The following RANBP2 variants were observed in gnomAD, a reference collection of about 807,000 sequenced individuals.
RANBP2 encodes RAN binding protein 2.
A neutral mutation model predicts 303.6 loss-of-function variants in RANBP2; 57 were observed. That is an observed-to-expected ratio of 0.19 (90% CI 0.15 to 0.23). The LOEUF (loss-of-function observed/expected upper bound fraction) is 0.23, where lower values mean the gene tolerates loss of function less well. RANBP2 is among the 10% of genes least tolerant of loss of function. The probability of loss-of-function intolerance (pLI) is 1.00; values close to 1 mark genes in which losing one functional copy is unlikely to be tolerated. For synonymous variants in RANBP2, 1,167 were observed against 1,301.5 expected, an observed-to-expected ratio of 0.90 and a Z score of 2.23; for missense variants, 3,138 against 3,780.8, an observed-to-expected ratio of 0.83 and a Z score of 4.46.
chr2:109,008,765 G>A, the RANBP2 span, among the ~76,000 whole-genome samples: 1 of 151,278 alleles, frequency 6.6e-6, no homozygotes, highest in South Asian at 2.1e-4. Context: ...AGCTGGGTGT[G>A]GTGGCGGGCG....
the RANBP2 span, among the ~76,000 whole-genome samples, chr2:109,016,064 G>T: frequency 2.9e-4 from 44 of 150,086 alleles, no homozygotes; most frequent in Middle Eastern, 0.018. Context: ...GTGGTAGGTG[G>T]TGTTATTGGT....
chr2:109,094,836 A>G, the RANBP2 span, among the ~76,000 whole-genome samples: 127 of 152,180 alleles, frequency 8.3e-4, 1 homozygote, highest in Non-Finnish European at 5.9e-5. Context: ...ATCTCAAACA[A>G]ACAAACAAAC....
the RANBP2 span, among the ~76,000 whole-genome samples, chr2:109,068,361 C>T: frequency 1.3e-5 from 2 of 152,176 alleles, no homozygotes; most frequent in African/African-American, 4.8e-5. Flanking sequence ...GAAGAACCCC[C>T]ACCCCAGATG....
At chr2:108,738,710 C>A (rs1695829189) in intron 6 of RANBP2, among the ~76,000 whole-genome samples, 1 of 147,426 alleles carries the variant, frequency 6.8e-6, no homozygotes, top group Admixed American at 6.9e-5. Context: ...ATCACTGCAA[C>A]CTCTGCTTCC....
chr2:109,700,580 A>C, the RANBP2 span, among the ~76,000 whole-genome samples: 1 of 152,102 alleles, frequency 6.6e-6, no homozygotes, highest in African/African-American at 2.4e-5. Flanking sequence ...TATATCAGTG[A>C]GCAGAGGGAT....
At chr2:108,831,699 A>ACC in the RANBP2 span, among the ~76,000 whole-genome samples, 24 of 51,546 alleles carry the variant, frequency 4.7e-4, no homozygotes, top group East Asian at 1.9e-3. Flanking sequence ...GTGGCACAGA[A>ACC]TCTTCCTTCC....
chr2:109,629,326 TATATATATATATATATATATA>T, the RANBP2 span, among the ~76,000 whole-genome samples: 1 of 7,554 alleles, frequency 1.3e-4, no homozygotes, highest in African/African-American at 4.7e-4. Flanking sequence ...TATATATATA[TATATATATATATATATATATA>T]TATATATATT....
At chr2:109,074,119 C>T in the RANBP2 span, among the ~76,000 whole-genome samples, 3 of 150,802 alleles carry the variant, frequency 2.0e-5, 1 homozygote, top group Non-Finnish European at 4.4e-5. Flanking sequence ...GTAATCCCAA[C>T]ACTTAGGAAG....
chr2:109,705,409 A>C, the RANBP2 span, among the ~76,000 whole-genome samples: 1 of 152,218 alleles, frequency 6.6e-6, no homozygotes, highest in Non-Finnish European at 1.5e-5. Context: ...TCTGTCACAC[A>C]CACACAAAAA....
chr2:109,350,089 G>A, the RANBP2 span, among the ~76,000 whole-genome samples: 3 of 152,248 alleles, frequency 2.0e-5, no homozygotes, highest in Non-Finnish European at 4.4e-5. Context: ...GTGGGCTCCT[G>A]AGTAGTCAGT....
the RANBP2 span, chr2:109,490,796 C>T: frequency 3.9e-6 from 6 of 1,536,866 alleles, no homozygotes; most frequent in East Asian, 2.4e-5. Context: ...CCATAGAGAG[C>T]GAGATGCAGG....
At chr2:108,782,056 T>G in intron 26 of RANBP2, 72 bp from the exon 27 acceptor site, 1 of 1,556,622 alleles carries the variant, frequency 6.4e-7, no homozygotes, top group East Asian at 2.3e-5. Context: ...TTAAAAGAAT[T>G]TGGATCTTTG....
the RANBP2 span, among the ~76,000 whole-genome samples, chr2:109,690,892 A>G: frequency 6.6e-6 from 1 of 152,040 alleles, no homozygotes. Flanking sequence ...AGTTCTGGAC[A>G]TTGACCTTGT....
the RANBP2 span, among the ~76,000 whole-genome samples, chr2:108,820,092 C>T: frequency 6.6e-6 from 1 of 152,112 alleles, no homozygotes; most frequent in Admixed American, 6.5e-5. Flanking sequence ...GACATCAACA[C>T]ACTTGAAGAC....
At chr2:109,677,029 C>T in the RANBP2 span, among the ~76,000 whole-genome samples, 12 of 152,256 alleles carry the variant, frequency 7.9e-5, no homozygotes, top group African/African-American at 2.6e-4. Context: ...TAAATAACAA[C>T]TTCTCCATGT....
chr2:109,495,096 G>GC, the RANBP2 span, among the ~76,000 whole-genome samples: 20 of 152,344 alleles, frequency 1.3e-4, no homozygotes, highest in South Asian at 3.9e-3. Context: ...AGAGGGCCAT[G>GC]CCCCGTTCCT....
chr2:108,754,657 T>C (rs1676155877), intron 15 of RANBP2, among the ~76,000 whole-genome samples: 2 of 151,722 alleles, frequency 1.3e-5, no homozygotes, highest in Non-Finnish European at 2.9e-5. Flanking sequence ...TCAGAAGATG[T>C]TAGATTGTAC....
At chr2:108,964,486 C>T in the RANBP2 span, among the ~76,000 whole-genome samples, 8 of 152,276 alleles carry the variant, frequency 5.3e-5, no homozygotes, top group Admixed American at 2.0e-4. Context: ...AGTCCCTACT[C>T]TAAGAGGAAA....
the RANBP2 span, among the ~76,000 whole-genome samples, chr2:109,664,204 C>T: frequency 6.6e-6 from 1 of 152,102 alleles, no homozygotes; most frequent in African/African-American, 2.4e-5. Context: ...ACTCGATTTC[C>T]GTAAAGATGC....
Sources: allele counts gnomAD v4.1 joint callset (sites outside exome capture counted in the v4.1 genomes callset), GRCh38; gene constraint gnomAD v4.1.1; transcripts MANE v1.5; gene names NCBI Gene and HGNC (gene_info 2026-07-23, HGNC 2026-07-21).